The following PDXDC1 variants were observed in gnomAD, a reference collection of about 807,000 sequenced individuals.
PDXDC1 encodes the protein pyridoxal-dependent decarboxylase domain-containing protein 1.
PDXDC1 carries 42 observed loss-of-function variants against 100.1 expected under a neutral mutation model. That is an observed-to-expected ratio of 0.42 (90% CI 0.33 to 0.54). PDXDC1 has a LOEUF of 0.54. PDXDC1 is among the 20% of genes least tolerant of loss of function. The pLI is 0.10. For synonymous variants in PDXDC1, 260 were observed against 371.7 expected (o/e 0.70, Z 3.46); for missense variants, 636 against 979.2 (o/e 0.65, Z 4.68).
At chr16:15,027,617 T>C (rs1343589872) in intron 14 of PDXDC1, among the ~76,000 whole-genome samples, 1 of 152,294 alleles carries the variant, frequency 6.6e-6, no homozygotes, top group Non-Finnish European at 1.5e-5. Context: ...CAGATTTCCC[T>C]TGGAGTTGGG....
intron 16 of PDXDC1, among the ~76,000 whole-genome samples, chr16:15,043,571 G>A (rs931246516): frequency 2.0e-5 from 3 of 152,316 alleles, no homozygotes; most frequent in African/African-American, 4.8e-5. Flanking sequence ...CAGACAGGCT[G>A]TACCATCATA....
intron 16 of PDXDC1, among the ~76,000 whole-genome samples, chr16:15,122,196 A>G (rs554577847): frequency 1.3e-5 from 2 of 151,766 alleles, no homozygotes; most frequent in South Asian, 4.2e-4. Context: ...AAGTCATCAA[A>G]CCAGATGACA....
rs926536932 is a variant in PDXDC1, at chr16:15,061,557, G to GAAC, written c.1399+31513_1399+31515dup. ...ATAGTCTTCATTTTGTCTGTAAGGG[G>GAAC]AACAACAACAACAAAAAAACCCAGT... is the stretch of plus-strand genomic sequence containing the variant. On this transcript the variant is annotated intron_variant, in intron 16 of 16. Coordinates refer to the PDXDC1 transcript ENST00000535621. 1.8e-5 allele frequency: 9 copies of GAAC among 488,366 alleles called. 1 individual carries two copies. Among genetic ancestry groups the GAAC allele is most frequent in the African/African-American group, 7.7e-5 (4 of 51,804 alleles). 30.3% of individuals were successfully genotyped at this position (488,366 alleles called of 1,614,324 possible). A position where few individuals can be genotyped will look rare whatever the true frequency, so the allele number is the denominator to read the frequency against.
chr16:15,015,075 C>G (rs746559742), intron 8 of PDXDC1, among the ~76,000 whole-genome samples: 2 of 152,250 alleles, frequency 1.3e-5, no homozygotes, highest in Non-Finnish European at 2.9e-5. Flanking sequence ...GTACCTGGGA[C>G]TATAGGCGCC....
At chr16:15,094,400 C>G (rs2046275090) in intron 16 of PDXDC1, 1 of 645,840 alleles carries the variant, frequency 1.5e-6, no homozygotes, top group Non-Finnish European at 2.7e-6. Flanking sequence ...CTGAAACCCG[C>G]TCCTCGTTCT....
At position 15,017,444 on chromosome 16, in the gene PDXDC1, A is replaced by C. The variant is rs762435529; in HGVS notation, c.963+22A>C. The C allele has an allele frequency of 2.5e-6, 4 of 1,608,414 alleles. No individual in the cohort carries two copies. The South Asian group carries it at 4.4e-5, about 18-fold the overall frequency. On this transcript the variant is annotated intron_variant, in intron 11 of 22. Coordinates refer to ENST00000396410, the MANE Select transcript of PDXDC1 (RefSeq NM_015027.4). ...CTTGGTAAGTTTCCACTCACTGGGG[A>C]GGGAGTGGGTGTGGCTAATACACAT...
chr16:15,062,051 C>A, intron 16 of PDXDC1: 1 of 753,534 alleles, frequency 1.3e-6, no homozygotes, highest in Non-Finnish European at 2.1e-6. Context: ...TAGTGGCACA[C>A]GCCTGTAGTC....
intron 16 of PDXDC1, among the ~76,000 whole-genome samples, chr16:15,117,390 G>C (rs1452990279): frequency 1.4e-5 from 2 of 144,278 alleles, no homozygotes; most frequent in Non-Finnish European, 3.0e-5. Context: ...GCCAGGCGCG[G>C]TGGCTCACGC....
intron 16 of PDXDC1, among the ~76,000 whole-genome samples, chr16:15,031,476 G>C (rs2043060664): frequency 6.6e-6 from 1 of 152,156 alleles, no homozygotes; most frequent in African/African-American, 2.4e-5. Context: ...TGGGAAGAGT[G>C]ATTTCTAACA....
chr16:15,032,967 A>G lies in PDXDC1; in HGVS notation c.1678A>G (p.Thr560Ala). 1 of 1,575,084 alleles carries G rather than the reference A, an allele frequency of 6.3e-7. No individual in the cohort carries two copies. Among genetic ancestry groups the G allele is most frequent in the Non-Finnish European group, 8.7e-7 (1 of 1,144,262 alleles). The change falls in exon 18 of 23, where the codon ACC becomes GCC. Residue 560 changes from threonine to alanine, a missense_variant. Around this residue, in one of 4 missense-constraint regions of PDXDC1, gnomAD observed 452 missense variants for 402.9 expected, o/e 1.12. Transcript: ENST00000396410. ...GTTAAATGAACTGGAATCTGACCTA[A>G]CCTTTAAAATAGGTAACTGCTTACT... is the stretch of plus-strand genomic sequence containing the variant. ...KKLNELESDLTFKIGPEYKSM... is the reference protein window; with the variant it reads ...KKLNELESDLAFKIGPEYKSM...
chr16:15,061,985 G>A, intron 16 of PDXDC1: 4 of 1,332,988 alleles, frequency 3.0e-6, no homozygotes, highest in Non-Finnish European at 4.2e-6. Flanking sequence ...TCAGGAAGGT[G>A]TTAACGTTTG....
chr16:15,042,423 A>G (rs948923355), downstream of PDXDC1, among the ~76,000 whole-genome samples: 1 of 152,016 alleles, frequency 6.6e-6, no homozygotes, highest in African/African-American at 2.4e-5. Flanking sequence ...CTCGTGACCT[A>G]AAGTGATCCA....
At chr16:15,102,866 A>G (rs370485029) in intron 16 of PDXDC1, among the ~76,000 whole-genome samples, 7,887 of 98,526 alleles carry the variant, frequency 0.08, 188 homozygotes, top group Middle Eastern at 0.12. Flanking sequence ...TTGAGCCCGG[A>G]AGTTCAAGGC....
intron 1 of PDXDC1, among the ~76,000 whole-genome samples, chr16:14,990,910 T>C (rs1265590742): frequency 2.0e-5 from 3 of 152,288 alleles, no homozygotes; most frequent in East Asian, 3.8e-4. Context: ...CCAGCTAATT[T>C]TTGTATTTTT....
intron 21 of PDXDC1, among the ~76,000 whole-genome samples, chr16:15,035,009 A>T (rs963247731): frequency 4.6e-5 from 7 of 152,182 alleles, no homozygotes; most frequent in African/African-American, 1.7e-4. Context: ...GAATGTGGGG[A>T]GGGTGTTAAC....
chr16:15,016,639 G>A lies in PDXDC1; in HGVS notation c.812+426G>A, dbSNP rs563228608. ...GCCAGGGAGAAGTAATCCTCTGATA[G>A]TTGAGGTTCTTTGCTCTCCTCTGGA... On this transcript the variant is annotated intron_variant, in intron 9 of 22. Coordinates refer to ENST00000396410, the MANE Select transcript of PDXDC1 (RefSeq NM_015027.4). 1.6e-4 allele frequency among the ~76,000 whole-genome samples: 25 copies of A among 152,416 alleles called. No individual in the cohort carries two copies. In the East Asian group the frequency reaches 4.8e-3, roughly 29 times the overall value.
In PDXDC1 at chr16:15,125,794, G is replaced by C. The variant is rs62039543; in HGVS notation, c.1400-13085G>C. 2,131 of 1,364,568 alleles carry C rather than the reference G, an allele frequency of 1.6e-3. 23 individuals carry two copies. In the African/African-American group the frequency reaches 0.026, roughly 16 times the overall value. 84.5% of individuals were successfully genotyped at this position (1,364,568 alleles called of 1,614,324 possible). The stretch of plus-strand genomic sequence containing the variant: ...CTGCTGCCCGGCAGGTGTGGGGCTC[G>C]GGCTCCCAGCCACCTGCAGGACGAC... On this transcript the variant is annotated intron_variant, in intron 16 of 16. Transcript: ENST00000535621.
In PDXDC1 at chr16:15,036,092, CTT is replaced by C. The variant is rs757747293; in HGVS notation, c.2185_2186del (p.Leu729ArgfsTer21). 1.2e-6 allele frequency: 2 copies of C among 1,614,086 alleles called. No homozygotes were observed. The highest frequency in any genetic ancestry group is 1.7e-6 in the Non-Finnish European group (2 of 1,180,004). On this transcript the variant is annotated frameshift_variant, in exon 23 of 23. Coordinates refer to ENST00000396410, the MANE Select transcript of PDXDC1 (RefSeq NM_015027.4). LOFTEE classifies it low-confidence loss of function (END_TRUNC). ...ETSSVSHIED[L>X]EKVERLSSGP... ...CCAGCTCAGTCAGTCACATTGAAGA[CTT>C]AGAAAAGGTGGAGCGCCTATCCAGT...
At chr16:15,019,696 C>T (rs190253414) in intron 12 of PDXDC1, among the ~76,000 whole-genome samples, 150 of 152,346 alleles carry the variant, frequency 9.8e-4, no homozygotes, top group African/African-American at 3.6e-3. Context: ...GGTCACTAGT[C>T]CTGTTTGTGA....
Sources: gnomAD v4.1 joint callset for allele counts (sites outside exome capture counted in the v4.1 genomes callset) on GRCh38, gnomAD v4.1.1 for gene constraint, gnomAD v4.1.1 regional missense constraint, MANE v1.5 for transcripts, NCBI Gene and HGNC (gene_info 2026-07-23, HGNC 2026-07-21) for gene names.